Variants in TRPM3 observed in about 807,000 individuals in gnomAD.
TRPM3 encodes the protein long transient receptor potential channel 3.
TRPM3 carries 77 observed loss-of-function variants against 181.2 expected under a neutral mutation model. The ratio of observed to expected loss-of-function variants is 0.42; its 90% CI spans 0.35 to 0.51. The LOEUF is 0.51. Among genes scored for constraint, TRPM3 ranks in the 20% least tolerant of loss-of-function variants. The pLI, the probability that TRPM3 is intolerant of heterozygous loss-of-function variation, is 0.01. For missense variants in TRPM3, 1,759 were observed against 2,196.7 expected (o/e 0.80, Z 3.98); for synonymous variants, 745 against 796.4 (o/e 0.94, Z 1.09).
intron 9 of TRPM3, among the ~76,000 whole-genome samples, chr9:70,664,339 T>C (rs972453619): frequency 3.7e-4 from 56 of 152,178 alleles, no homozygotes; most frequent in African/African-American, 1.3e-3. Context: ...TATTAGAAAT[T>C]GTTCTCTGGC....
At chr9:71,359,802 C>T (rs1354630398) in intron 1 of TRPM3, among the ~76,000 whole-genome samples, 2 of 152,064 alleles carry the variant, frequency 1.3e-5, no homozygotes, top group Non-Finnish European at 2.9e-5. Flanking sequence ...GATACTTAAG[C>T]TCTCTGTCAA....
chr9:71,082,418 T>C (rs1015981964), intron 1 of TRPM3, among the ~76,000 whole-genome samples: 2 of 152,166 alleles, frequency 1.3e-5, no homozygotes, highest in African/African-American at 4.8e-5. Context: ...TGTCTTCTCA[T>C]GTAATACCTA....
chr9:70,953,254 T>G (rs2097024614), intron 1 of TRPM3, among the ~76,000 whole-genome samples: 1 of 152,198 alleles, frequency 6.6e-6, no homozygotes, highest in African/African-American at 2.4e-5. Flanking sequence ...CCACAGTTAC[T>G]TAACCATTTG....
At chr9:71,151,218 G>A (rs779393866) in intron 1 of TRPM3, among the ~76,000 whole-genome samples, 63 of 152,046 alleles carry the variant, frequency 4.1e-4, no homozygotes, top group Non-Finnish European at 7.1e-4. Context: ...TAAGATAAAT[G>A]GCAAATGAGA....
intron 1 of TRPM3, among the ~76,000 whole-genome samples, chr9:71,343,980 C>G (rs932979975): frequency 2.0e-5 from 3 of 150,978 alleles, no homozygotes; most frequent in African/African-American, 7.3e-5. Flanking sequence ...ACAATTATAA[C>G]CTATTGCATA....
At chr9:71,091,149 C>T (rs1333622627) in intron 1 of TRPM3, among the ~76,000 whole-genome samples, 1 of 152,290 alleles carries the variant, frequency 6.6e-6, no homozygotes, top group East Asian at 1.9e-4. Flanking sequence ...ACACACCATG[C>T]TTACCATTCT....
intron 6 of TRPM3, among the ~76,000 whole-genome samples, chr9:70,819,282 A>G (rs1253365896): frequency 6.6e-6 from 1 of 152,176 alleles, no homozygotes; most frequent in East Asian, 1.9e-4. Context: ...ACATTTTAAA[A>G]TGTCTCCCAG....
intron 1 of TRPM3, among the ~76,000 whole-genome samples, chr9:71,349,354 C>T (rs979658793): frequency 2.0e-5 from 3 of 152,128 alleles, no homozygotes; most frequent in Non-Finnish European, 4.4e-5. Flanking sequence ...CTGGTAGAGC[C>T]AGGGGAACTC....
chr9:71,377,559 A>C (rs2092696155), intron 1 of TRPM3, among the ~76,000 whole-genome samples: 2 of 152,036 alleles, frequency 1.3e-5, no homozygotes, highest in Admixed American at 6.6e-5. Flanking sequence ...CATCTCTCAG[A>C]GTTTCTTTCT....
chr9:70,791,365 C>A (rs1203823072), intron 6 of TRPM3, among the ~76,000 whole-genome samples: 1 of 152,212 alleles, frequency 6.6e-6, no homozygotes, highest in Non-Finnish European at 1.5e-5. Flanking sequence ...ACTTATGGTT[C>A]TCTAGACAGA....
intron 1 of TRPM3, among the ~76,000 whole-genome samples, chr9:70,921,959 AC>A (rs2133291608): frequency 6.6e-6 from 1 of 151,672 alleles, no homozygotes; most frequent in East Asian, 1.9e-4. Flanking sequence ...ACACACACAC[AC>A]ACACACACAC....
chr9:70,916,921 T>C (rs2096601324), intron 1 of TRPM3: 1 of 1,041,606 alleles, frequency 9.6e-7, no homozygotes, highest in Non-Finnish European at 1.4e-6. Flanking sequence ...CACTTCTCTT[T>C]AGATACTGAT....
intron 1 of TRPM3, among the ~76,000 whole-genome samples, chr9:71,279,034 T>TCAAAAAAAAAAAAA (rs200421016): frequency 2.1e-5 from 1 of 47,490 alleles, no homozygotes; most frequent in Non-Finnish European, 4.4e-5. Context: ...CCTGCTTAGG[T>TCAAAAAAAAAAAAA]TAAAAAAAAT....
chr9:70,675,499 T>C (rs889659399), intron 9 of TRPM3, among the ~76,000 whole-genome samples: 1 of 152,252 alleles, frequency 6.6e-6, no homozygotes, highest in Non-Finnish European at 1.5e-5. Flanking sequence ...TGATTAATTA[T>C]TGATAGCATT....
At chr9:71,212,099 C>A (rs1189216488) in intron 1 of TRPM3, among the ~76,000 whole-genome samples, 1 of 152,060 alleles carries the variant, frequency 6.6e-6, no homozygotes, top group Non-Finnish European at 1.5e-5. Flanking sequence ...GAGCTGATTT[C>A]ATGGTTTTTT....
chr9:71,429,978 T>C (rs2093931458), intron 1 of TRPM3, among the ~76,000 whole-genome samples: 1 of 152,174 alleles, frequency 6.6e-6, no homozygotes, highest in Non-Finnish European at 1.5e-5. Context: ...TTCTGACATC[T>C]ACCTAACAGC....
intron 1 of TRPM3, among the ~76,000 whole-genome samples, chr9:71,383,787 C>T (rs2092861394): frequency 6.6e-6 from 1 of 152,178 alleles, no homozygotes; most frequent in Admixed American, 6.5e-5. Context: ...GAAACAAAAA[C>T]AAAATGTGTT....
At chr9:71,383,430 A>G (rs1331315513) in intron 1 of TRPM3, among the ~76,000 whole-genome samples, 1 of 152,086 alleles carries the variant, frequency 6.6e-6, no homozygotes, top group Non-Finnish European at 1.5e-5. Flanking sequence ...CCAATAGGAG[A>G]TAACAGTAGG....
intron 1 of TRPM3, among the ~76,000 whole-genome samples, chr9:70,892,404 A>C (rs893701638): frequency 1.4e-4 from 21 of 152,132 alleles, no homozygotes; most frequent in African/African-American, 5.1e-4. Flanking sequence ...TAAATAAATG[A>C]AGTCAGATCC....
Sources: gnomAD v4.1 joint callset for allele counts (sites outside exome capture counted in the v4.1 genomes callset) on GRCh38, gnomAD v4.1.1 for gene constraint, MANE v1.5 for transcripts, NCBI Gene and HGNC (gene_info 2026-07-23, HGNC 2026-07-21) for gene names.